The following CSMD1 variants were observed in gnomAD, a reference collection of about 807,000 sequenced individuals.
CSMD1 encodes CUB and Sushi multiple domains 1, also known as CUB and sushi domain-containing protein 1.
CSMD1 carries 213 observed loss-of-function variants against 417.5 expected under a neutral mutation model. The observed-to-expected ratio is 0.51, with a 90% CI of 0.46 to 0.57. The LOEUF is 0.57. Among genes scored for constraint, CSMD1 ranks in the 20% least tolerant of loss-of-function variants. The pLI is 0.00. For missense variants in CSMD1, 6,923 were observed against 4,529.7 expected, an observed-to-expected ratio of 1.53 and a Z score of -15.17; for synonymous variants, 2,862 against 1,736.8, an observed-to-expected ratio of 1.65 and a Z score of -16.11.
intron 3 of CSMD1, among the ~76,000 whole-genome samples, chr8:4,129,160 C>A (rs559128583): frequency 2.6e-5 from 4 of 151,740 alleles, no homozygotes; most frequent in Admixed American, 2.0e-4. Context: ...ATCACCAACA[C>A]ATCCCCAACC....
At chr8:4,188,204 A>G (rs894622261) in intron 3 of CSMD1, among the ~76,000 whole-genome samples, 4 of 152,100 alleles carry the variant, frequency 2.6e-5, no homozygotes, top group African/African-American at 9.7e-5. Context: ...GGAAGGGACA[A>G]TTTTACATGA....
intron 5 of CSMD1, among the ~76,000 whole-genome samples, chr8:3,985,402 C>A (rs1427898011): frequency 6.6e-6 from 1 of 152,084 alleles, no homozygotes; most frequent in Non-Finnish European, 1.5e-5. Flanking sequence ...TATACATCTA[C>A]CCTCTTGTCT....
intron 23 of CSMD1, among the ~76,000 whole-genome samples, chr8:3,326,784 G>A (rs1806558091): frequency 6.6e-6 from 1 of 152,098 alleles, no homozygotes; most frequent in South Asian, 2.1e-4. Context: ...TCATTCTATT[G>A]AAGAATATTT....
intron 3 of CSMD1, among the ~76,000 whole-genome samples, chr8:4,106,859 C>G (rs189214119): frequency 2.4e-4 from 37 of 152,184 alleles, no homozygotes; most frequent in African/African-American, 7.9e-4. Context: ...GAAAAACTGC[C>G]CCGCATTTCT....
intron 2 of CSMD1, among the ~76,000 whole-genome samples, chr8:4,508,747 G>C (rs984574189): frequency 2.0e-5 from 3 of 152,068 alleles, no homozygotes; most frequent in African/African-American, 7.2e-5. Flanking sequence ...GAAATGTAAA[G>C]ATGTAAAACA....
At chr8:3,606,604 G>A (rs776903747) in intron 8 of CSMD1, among the ~76,000 whole-genome samples, 2 of 152,052 alleles carry the variant, frequency 1.3e-5, no homozygotes, top group Non-Finnish European at 2.9e-5. Context: ...GTACACTCCT[G>A]TAGACCTTAG....
chr8:3,655,535 G>C (rs1471359648), intron 7 of CSMD1, among the ~76,000 whole-genome samples: 1 of 152,130 alleles, frequency 6.6e-6, no homozygotes, highest in African/African-American at 2.4e-5. Flanking sequence ...CAGTGCACCT[G>C]CTGGGAAACC....
intron 10 of CSMD1, among the ~76,000 whole-genome samples, chr8:3,568,384 T>C (rs961667519): frequency 6.6e-6 from 1 of 152,190 alleles, no homozygotes; most frequent in African/African-American, 2.4e-5. Context: ...TGTACAGTTT[T>C]TGTCAATTAT....
At chr8:4,717,695 G>C (rs7822599) in intron 1 of CSMD1, among the ~76,000 whole-genome samples, 58,589 of 151,552 alleles carry the variant, frequency 0.39, 13,921 homozygotes, top group African/African-American at 0.68. Flanking sequence ...CGAAGAGGCT[G>C]GGTAACCAAG....
chr8:3,904,997 C>A (rs1195222344), intron 5 of CSMD1, among the ~76,000 whole-genome samples: 1 of 152,058 alleles, frequency 6.6e-6, no homozygotes, highest in Non-Finnish European at 1.5e-5. Context: ...TACCAAGTTA[C>A]AAATATAGAA....
chr8:3,830,789 G>C (rs900783845), intron 5 of CSMD1, among the ~76,000 whole-genome samples: 3 of 152,146 alleles, frequency 2.0e-5, no homozygotes, highest in African/African-American at 4.8e-5. Flanking sequence ...ATGCACGCCA[G>C]TAAAATGCTA....
rs1249433720 is a variant in CSMD1, at chr8:4,542,685, G to C, written c.302+94657C>G. Among the ~76,000 whole-genome samples, 6 of 152,246 alleles carry C rather than the reference G, an allele frequency of 3.9e-5. No individual in the cohort carries two copies. In the East Asian group the frequency reaches 7.7e-4, roughly 20 times the overall value. ...CACCACTGTATCTTATGCGGCAGAA[G>C]ATAGTTTGAATCTATTTAAATTAGG... On this transcript the variant is annotated intron_variant, in intron 2 of 69. Transcript: ENST00000635120.
chr8:3,789,326 C>A (rs1402838228), intron 5 of CSMD1, among the ~76,000 whole-genome samples: 1 of 149,156 alleles, frequency 6.7e-6, no homozygotes, highest in African/African-American at 2.5e-5. Context: ...CCCCAACAGA[C>A]TAATACAGAG....
At chr8:4,177,078 A>C (rs1442841338) in intron 3 of CSMD1, among the ~76,000 whole-genome samples, 1 of 152,188 alleles carries the variant, frequency 6.6e-6, no homozygotes, top group Non-Finnish European at 1.5e-5. Flanking sequence ...CACCAAGCGG[A>C]CCTAATAGAC....
At chr8:4,290,253 G>A (rs908748923) in intron 3 of CSMD1, among the ~76,000 whole-genome samples, 3 of 152,170 alleles carry the variant, frequency 2.0e-5, no homozygotes, top group Non-Finnish European at 4.4e-5. Context: ...AGGCCCGAGG[G>A]TGATGTTTGT....
intron 40 of CSMD1, among the ~76,000 whole-genome samples, chr8:3,149,610 T>A (rs1196420608): frequency 6.6e-6 from 1 of 152,162 alleles, no homozygotes; most frequent in Non-Finnish European, 1.5e-5. Context: ...CCCAAGTAGT[T>A]GGGATTACAA....
At position 3,997,890 on chromosome 8, in the gene CSMD1, T is replaced by A. The variant is rs1815339848; in HGVS notation, c.818+13A>T. ...CACCTGTATCCTTTGTGGCATCTCT[T>A]CCCGGGACTTACCATATGGATGGAG... On this transcript the variant is annotated intron_variant, in intron 5 of 69. Transcript: ENST00000635120. The A allele has an allele frequency of 6.2e-7, 1 of 1,607,342 alleles. No individual in the cohort carries two copies. Among genetic ancestry groups the A allele is most frequent in the Non-Finnish European group, 8.5e-7 (1 of 1,176,294 alleles).
At chr8:3,608,030 G>T (rs1206066203) in intron 8 of CSMD1, among the ~76,000 whole-genome samples, 1 of 152,164 alleles carries the variant, frequency 6.6e-6, no homozygotes. Context: ...TAATTAGCCA[G>T]CCGTGGTGGT....
At chr8:3,498,148 G>A (rs1279469410) in intron 10 of CSMD1, among the ~76,000 whole-genome samples, 5 of 152,022 alleles carry the variant, frequency 3.3e-5, no homozygotes, top group East Asian at 1.9e-4. Flanking sequence ...AGCCTGTAAC[G>A]GTTCTGCTGA....
Sources: gnomAD v4.1 joint callset for allele counts (sites outside exome capture counted in the v4.1 genomes callset) on GRCh38, gnomAD v4.1.1 for gene constraint, MANE v1.5 for transcripts, NCBI Gene and HGNC (gene_info 2026-07-23, HGNC 2026-07-21) for gene names.